GPC5: variants seen among roughly 807,000 people sequenced by gnomAD.
GPC5 encodes the protein glypican 5.
In GPC5, 47 loss-of-function variants were observed where a neutral mutation model predicts 53.9. That is an observed-to-expected ratio of 0.87 (90% confidence interval 0.69 to 1.11). GPC5 has a LOEUF of 1.11. GPC5 is among the 50% of genes most tolerant of loss of function. The pLI, the probability that GPC5 is intolerant of heterozygous loss-of-function variation, is 0.00. For missense variants in GPC5, 748 were observed against 713.1 expected (o/e 1.05, Z -0.56); for synonymous variants, 286 against 263.3 (o/e 1.09, Z -0.84).
intron 7 of GPC5, among the ~76,000 whole-genome samples, chr13:92,496,053 T>C (rs915708777): frequency 6.6e-6 from 1 of 152,144 alleles, no homozygotes; most frequent in Non-Finnish European, 1.5e-5. Flanking sequence ...ATGTATTTTG[T>C]TATGGTTTTC....
At chr13:92,702,839 C>T (rs1170328750) in intron 7 of GPC5, among the ~76,000 whole-genome samples, 1 of 151,966 alleles carries the variant, frequency 6.6e-6, no homozygotes, top group African/African-American at 2.4e-5. Context: ...CCACTCCCTC[C>T]TCCCTCCATG....
chr13:92,644,878 T>TAA lies in GPC5; in HGVS notation c.1562-221395_1562-221394dup, dbSNP rs35092225. On this transcript the variant is annotated intron_variant, in intron 7 of 7. Coordinates refer to ENST00000377067, the MANE Select transcript of GPC5 (RefSeq NM_004466.6). ...TGGAGATGGAAACCCACAGATACTG[T>TAA]AAAAAAAAAATGGAAGGAGGTGAGA... Among the ~76,000 whole-genome samples, 149 of 148,904 alleles carry TAA rather than the reference T, an allele frequency of 1.0e-3. 1 individual carries two copies. The highest frequency in any genetic ancestry group is 6.9e-3 in the Middle Eastern group (2 of 290).
Position 92,397,173 on chromosome 13 carries a change from G to C in GPC5, c.1561+252184G>C, listed in dbSNP as rs555845350. On this transcript the variant is annotated intron_variant, in intron 7 of 7. Transcript: ENST00000377067. ...TTACCTTATGCATGTGATGTGGTTC[G>C]TTTGAGTCCCCACCCAGATCTCATC... Among the ~76,000 whole-genome samples the C allele has an allele frequency of 2.0e-5, 3 of 152,254 alleles. No individual in the cohort carries two copies. The South Asian group carries it at 6.2e-4, about 32-fold the overall frequency.
At chr13:91,782,225 C>G (rs1477366470) in intron 5 of GPC5, among the ~76,000 whole-genome samples, 5 of 152,138 alleles carry the variant, frequency 3.3e-5, no homozygotes, top group African/African-American at 1.2e-4. Context: ...AGTTGAGTAA[C>G]AGAAAAGAGA....
In GPC5 at chr13:92,042,410, C is replaced by T. The variant is rs111279519; in HGVS notation, c.1402-102420C>T. On this transcript the variant is annotated intron_variant, in intron 6 of 7. Coordinates refer to ENST00000377067, the MANE Select transcript of GPC5 (RefSeq NM_004466.6). Reference sequence around the variant, plus strand: ...AAAATCCAACTTGCTAATAGGGCTCCAGCACAAGCTTTCACCAATAAGTGG... The same window carrying T: ...AAAATCCAACTTGCTAATAGGGCTCTAGCACAAGCTTTCACCAATAAGTGG... Among the ~76,000 whole-genome samples, 1,271 of 152,130 alleles carry T rather than the reference C, an allele frequency of 8.4e-3. 20 individuals are homozygous for T. Among genetic ancestry groups the T allele is most frequent in the African/African-American group, 0.028 (1,182 of 41,502 alleles).
chr13:91,715,806 G>C, intron 3 of GPC5, among the ~76,000 whole-genome samples: 1 of 146,444 alleles, frequency 6.8e-6, no homozygotes, highest in African/African-American at 2.6e-5. Context: ...CTCTCTGTGT[G>C]TGTGTCACCC....
intron 5 of GPC5, among the ~76,000 whole-genome samples, chr13:91,784,058 G>T (rs189900956): frequency 4.0e-4 from 61 of 152,236 alleles, no homozygotes; most frequent in African/African-American, 1.4e-3. Flanking sequence ...AGATATATTA[G>T]AAACTATGAG....
At chr13:92,070,858 T>A (rs562435639) in intron 6 of GPC5, among the ~76,000 whole-genome samples, 10 of 152,344 alleles carry the variant, frequency 6.6e-5, no homozygotes, top group Middle Eastern at 3.4e-3. Context: ...TTGTTTAGTT[T>A]ATCACATATC....
At chr13:92,673,161 TA>T (rs35208605) in intron 7 of GPC5, among the ~76,000 whole-genome samples, 1 of 148,266 alleles carries the variant, frequency 6.7e-6, no homozygotes, top group Non-Finnish European at 1.5e-5. Context: ...TTTACCTTTT[TA>T]AAAAAAGAAT....
chr13:92,085,603 T>C (rs1305279790), intron 6 of GPC5, among the ~76,000 whole-genome samples: 2 of 152,210 alleles, frequency 1.3e-5, no homozygotes, highest in African/African-American at 4.8e-5. Flanking sequence ...ACTTTATTTC[T>C]ATTATTATTA....
At chr13:92,443,431 G>T (rs1249589003) in intron 7 of GPC5, among the ~76,000 whole-genome samples, 3 of 152,128 alleles carry the variant, frequency 2.0e-5, no homozygotes, top group African/African-American at 7.2e-5. Flanking sequence ...GGATAAAATG[G>T]ATATAGAAAC....
chr13:91,865,980 G>T (rs936747956), intron 5 of GPC5, among the ~76,000 whole-genome samples: 1 of 152,136 alleles, frequency 6.6e-6, no homozygotes, highest in African/African-American at 2.4e-5. Context: ...TGCTTCTCTT[G>T]CCTCAGCCTC....
intron 2 of GPC5, among the ~76,000 whole-genome samples, chr13:91,488,439 G>A (rs1439785037): frequency 1.3e-5 from 2 of 152,168 alleles, no homozygotes; most frequent in African/African-American, 2.4e-5. Context: ...GACCCCGAAC[G>A]GAGGGACCGC....
intron 7 of GPC5, among the ~76,000 whole-genome samples, chr13:92,285,862 A>G (rs191774474): frequency 4.7e-4 from 72 of 152,296 alleles, no homozygotes; most frequent in African/African-American, 1.6e-3. Flanking sequence ...ACTAAAAGCA[A>G]TGGCAACAAA....
intron 2 of GPC5, among the ~76,000 whole-genome samples, chr13:91,512,377 A>C (rs1885276674): frequency 6.6e-6 from 1 of 152,164 alleles, no homozygotes; most frequent in Non-Finnish European, 1.5e-5. Context: ...ACTCCAGTGC[A>C]CTTGAAGTCC....
At chr13:92,229,298 G>C (rs1246876453) in intron 7 of GPC5, among the ~76,000 whole-genome samples, 1 of 151,998 alleles carries the variant, frequency 6.6e-6, no homozygotes, top group African/African-American at 2.4e-5. Flanking sequence ...TTGAAATACT[G>C]TATTGATGAG....
At chr13:92,163,770 C>T (rs2139009826) in intron 7 of GPC5, among the ~76,000 whole-genome samples, 1 of 150,866 alleles carries the variant, frequency 6.6e-6, no homozygotes, top group South Asian at 2.1e-4. Context: ...TCATAAAATG[C>T]AAATTAAAAT....
In GPC5 at chr13:92,132,138, A is replaced by G. The variant is rs1290079877; in HGVS notation, c.1402-12692A>G. On this transcript the variant is annotated intron_variant, in intron 6 of 7. Transcript: ENST00000377067. Reference sequence around the variant, plus strand: ...CACAAATATGCTTGTATTCATATAAATTTCCTCAGGAAAAAATGAAGCTAT... The same window carrying G: ...CACAAATATGCTTGTATTCATATAAGTTTCCTCAGGAAAAAATGAAGCTAT... Among the ~76,000 whole-genome samples, 3 of 152,146 alleles carry G rather than the reference A, an allele frequency of 2.0e-5. No homozygotes were observed. In the East Asian group the frequency reaches 5.8e-4, roughly 29 times the overall value.
At chr13:92,756,567 T>G (rs1242851831) in intron 7 of GPC5, among the ~76,000 whole-genome samples, 9 of 151,714 alleles carry the variant, frequency 5.9e-5, no homozygotes, top group African/African-American at 1.9e-4. Context: ...GACATGATTG[T>G]ATATCTAGAA....
Sources: gnomAD v4.1 joint callset for allele counts (sites outside exome capture counted in the v4.1 genomes callset) on GRCh38, gnomAD v4.1.1 for gene constraint, MANE v1.5 for transcripts, NCBI Gene and HGNC (gene_info 2026-07-23, HGNC 2026-07-21) for gene names.